Variants in GRM8 observed in about 807,000 individuals in gnomAD.
The protein encoded by GRM8 is glutamate metabotropic receptor 8.
Under a neutral mutation model 87.2 loss-of-function variants are expected in GRM8, and 47 were observed. The observed-to-expected ratio is 0.54, with a 90% CI of 0.43 to 0.69. The LOEUF is 0.69. Among genes scored for constraint, GRM8 ranks in the 30% least tolerant of loss-of-function variants. GRM8 has a pLI of 0.00. For missense variants in GRM8, 1,019 were observed against 1,139.2 expected (o/e 0.89, Z 1.52); for synonymous variants, 396 against 404.5 (o/e 0.98, Z 0.25).
intron 3 of GRM8, among the ~76,000 whole-genome samples, chr7:126,967,951 C>T (rs1810043819): frequency 6.6e-6 from 1 of 152,136 alleles, no homozygotes; most frequent in Admixed American, 6.6e-5. Context: ...CCATATTGAG[C>T]ACTAATAATA....
intron 3 of GRM8, among the ~76,000 whole-genome samples, chr7:126,930,412 C>A (rs1805642468): frequency 6.6e-6 from 1 of 152,160 alleles, no homozygotes; most frequent in African/African-American, 2.4e-5. Flanking sequence ...GATCGGCAGT[C>A]CTACAGAAGA....
At chr7:126,591,885 GAC>G (rs1796705152) in intron 8 of GRM8, among the ~76,000 whole-genome samples, 1 of 151,518 alleles carries the variant, frequency 6.6e-6, no homozygotes, top group Non-Finnish European at 1.5e-5. Context: ...AACTTAAAGA[GAC>G]ACAGATAAAT....
intron 1 of GRM8, among the ~76,000 whole-genome samples, chr7:127,248,515 T>C (rs1469231241): frequency 6.6e-6 from 1 of 152,218 alleles, no homozygotes; most frequent in East Asian, 1.9e-4. Context: ...ACACTGATTC[T>C]AGTCTTACTT....
intron 2 of GRM8, among the ~76,000 whole-genome samples, chr7:127,151,196 G>C (rs1044795034): frequency 6.6e-6 from 1 of 151,952 alleles, no homozygotes; most frequent in South Asian, 2.1e-4. Context: ...ACCTGGCCTA[G>C]AGGGTATGTT....
intron 2 of GRM8, among the ~76,000 whole-genome samples, chr7:127,214,521 C>T (rs941907012): frequency 6.6e-5 from 10 of 152,228 alleles, no homozygotes; most frequent in Admixed American, 4.6e-4. Context: ...AATTGACTCA[C>T]AGTTCCAAGT....
chr7:126,626,764 A>G (rs1017742857), intron 7 of GRM8, among the ~76,000 whole-genome samples: 1 of 152,204 alleles, frequency 6.6e-6, no homozygotes, highest in Non-Finnish European at 1.5e-5. Context: ...TCATGCCTGT[A>G]ATCCTAGCAT....
chr7:127,064,318 A>C (rs1431089848), intron 3 of GRM8, among the ~76,000 whole-genome samples: 1 of 152,146 alleles, frequency 6.6e-6, no homozygotes, highest in Non-Finnish European at 1.5e-5. Context: ...TGTTGAGTGT[A>C]TATATACTTA....
At chr7:126,970,125 T>C (rs1313500866) in intron 3 of GRM8, among the ~76,000 whole-genome samples, 1 of 152,122 alleles carries the variant, frequency 6.6e-6, no homozygotes, top group Non-Finnish European at 1.5e-5. Context: ...AGATTTAACA[T>C]ACTTCTTAAG....
intron 7 of GRM8, among the ~76,000 whole-genome samples, chr7:126,609,701 G>A (rs368811862): frequency 2.6e-5 from 4 of 152,144 alleles, no homozygotes; most frequent in East Asian, 1.9e-4. Context: ...CGAGTAAGAC[G>A]TGCTTTATTG....
At chr7:126,756,360 G>A (rs573692578) in intron 7 of GRM8, among the ~76,000 whole-genome samples, 1 of 152,108 alleles carries the variant, frequency 6.6e-6, no homozygotes, top group South Asian at 2.1e-4. Flanking sequence ...ACTGGGTATG[G>A]GGATGCTTTT....
chr7:126,887,668 T>C (rs1217646005), intron 6 of GRM8, among the ~76,000 whole-genome samples: 4 of 152,136 alleles, frequency 2.6e-5, no homozygotes, highest in African/African-American at 4.8e-5. Flanking sequence ...TTATTAAGAA[T>C]TGAAAGAACA....
intron 6 of GRM8, among the ~76,000 whole-genome samples, chr7:126,803,659 A>G (rs1792334724): frequency 6.6e-6 from 1 of 152,074 alleles, no homozygotes; most frequent in Admixed American, 6.6e-5. Context: ...TTGTTCTATG[A>G]CTCCACAAAC....
At position 126,629,297 on chromosome 7, in the gene GRM8, A is replaced by G. The variant is rs375582695; in HGVS notation, c.1358-19799T>C. 1.1e-4 allele frequency among the ~76,000 whole-genome samples: 17 copies of G among 152,354 alleles called. No homozygotes were observed. The East Asian group carries it at 2.3e-3, about 21-fold the overall frequency. ...TTATAAACTATAACTGTGTGGGATT[A>G]GAATCGCATTACATTTTTAAGCCAA... On this transcript the variant is annotated intron_variant, in intron 7 of 10. Coordinates refer to ENST00000339582, the MANE Select transcript of GRM8 (RefSeq NM_000845.3).
chr7:127,223,863 T>A (rs576664046), intron 2 of GRM8, among the ~76,000 whole-genome samples: 1 of 135,812 alleles, frequency 7.4e-6, no homozygotes, highest in African/African-American at 2.8e-5. Context: ...AAACAGAAGA[T>A]AGAAGAACCA....
chr7:126,689,296 C>T (rs1167173982), intron 7 of GRM8, among the ~76,000 whole-genome samples: 1 of 152,152 alleles, frequency 6.6e-6, no homozygotes, highest in Non-Finnish European at 1.5e-5. Flanking sequence ...GAGCCCTGTG[C>T]ACAATGGTAA....
At chr7:127,117,381 A>G (rs1826758039) in intron 2 of GRM8, among the ~76,000 whole-genome samples, 1 of 152,228 alleles carries the variant, frequency 6.6e-6, no homozygotes, top group Non-Finnish European at 1.5e-5. Context: ...ACTCTGCTCA[A>G]TGAGGCAGCA....
At chr7:126,608,066 G>A (rs958835060) in intron 8 of GRM8, among the ~76,000 whole-genome samples, 9 of 151,702 alleles carry the variant, frequency 5.9e-5, no homozygotes, top group African/African-American at 2.2e-4. Context: ...ACTAATATGG[G>A]GCAAAGGGCT....
chr7:127,171,227 G>T (rs988544047), intron 2 of GRM8, among the ~76,000 whole-genome samples: 4 of 152,118 alleles, frequency 2.6e-5, no homozygotes, highest in Non-Finnish European at 5.9e-5. Context: ...ATGAGAAGTC[G>T]CTTCTTATGG....
chr7:126,823,315 T>A (rs1043745348), intron 6 of GRM8, among the ~76,000 whole-genome samples: 10 of 152,240 alleles, frequency 6.6e-5, no homozygotes, highest in East Asian at 1.9e-4. Context: ...TTTAATTTGG[T>A]CCTCATTCCA....
Sources: allele counts gnomAD v4.1 joint callset (sites outside exome capture counted in the v4.1 genomes callset), GRCh38; gene constraint gnomAD v4.1.1; transcripts MANE v1.5; gene names NCBI Gene and HGNC (gene_info 2026-07-23, HGNC 2026-07-21).